PPP4R1: variants seen among roughly 807,000 people sequenced by gnomAD.
The protein encoded by PPP4R1 is serine/threonine-protein phosphatase 4 regulatory subunit 1.
Under a neutral mutation model 111.2 loss-of-function variants are expected in PPP4R1, and 42 were observed. That is an observed-to-expected ratio of 0.38 (90% CI 0.29 to 0.49). The LOEUF (loss-of-function observed/expected upper bound fraction) is 0.49, where lower values mean the gene tolerates loss of function less well. Ranked by LOEUF, PPP4R1 falls within the 20% of genes least tolerant of loss-of-function variation. The pLI is 0.97. For missense variants in PPP4R1, 1,012 were observed against 1,161.6 expected (o/e 0.87, Z 1.87); for synonymous variants, 409 against 405.5 (o/e 1.01, Z -0.10).
At chr18:9,583,338 G>C (rs1245345340) in intron 8 of PPP4R1, 63 bp from the exon 9 acceptor site, 3 of 1,354,386 alleles carry the variant, frequency 2.2e-6, no homozygotes, top group Non-Finnish European at 3.0e-6. Context: ...CAGTTACTTC[G>C]CTTTCATTTT....
chr18:9,587,539 A>C (rs1386446556), intron 6 of PPP4R1: 1 of 151,994 alleles, frequency 6.6e-6, no homozygotes, highest in African/African-American at 2.4e-5. Flanking sequence ...AGTAGCTGGG[A>C]TTACAAGCAT....
Position 9,570,277 on chromosome 18 carries a change from G to T in PPP4R1, c.1453C>A (p.Pro485Thr), listed in dbSNP as rs371974571. 3.4e-5 allele frequency: 54 copies of T among 1,611,668 alleles called. No homozygotes were observed. The highest frequency in any genetic ancestry group is 4.2e-5 in the Non-Finnish European group (50 of 1,179,108). The change falls in exon 11 of 20, where the codon CCA (proline) becomes ACA (threonine). Residue 485 changes from proline (P) to threonine (T), a missense_variant. This residue lies in a region of PPP4R1 where 707 missense variants were observed against 742.1 expected (regional missense o/e 0.95). Coordinates refer to ENST00000400556, the MANE Select transcript of PPP4R1 (RefSeq NM_001042388.3). ...ACAGGGCCCTCAGATTCTTCCTCTG[G>T]TCCCTCTGGGCTGGGTTTTCCCCCA... ...NSGGKPSPEG[P>T]EEESEGPVPS...
chr18:9,555,902 C>A (rs1020500095), intron 15 of PPP4R1, among the ~76,000 whole-genome samples: 2 of 151,644 alleles, frequency 1.3e-5, no homozygotes, highest in Admixed American at 6.6e-5. Context: ...TTTGGGAGGC[C>A]AAGGTGGGCG....
intron 16 of PPP4R1, chr18:9,551,710 T>C (rs887182859): frequency 2.6e-5 from 4 of 152,230 alleles, no homozygotes; most frequent in African/African-American, 7.2e-5. Context: ...ATACTGCAAC[T>C]GTGGGAGAGG....
At chr18:9,570,034 G>A (rs1347663851) in intron 11 of PPP4R1, 123 bp downstream of exon 11, 10 of 1,044,152 alleles carry the variant, frequency 9.6e-6, no homozygotes, top group Non-Finnish European at 1.2e-5. Flanking sequence ...ATAGGTATGA[G>A]TCACTGTGCC....
chr18:9,560,565 T>C (rs1324858270), intron 13 of PPP4R1, among the ~76,000 whole-genome samples: 4 of 152,152 alleles, frequency 2.6e-5, no homozygotes, highest in Non-Finnish European at 4.4e-5. Context: ...ATAAACGAAT[T>C]ATCCATATAC....
At chr18:9,552,481 G>C (rs2066504790) in intron 16 of PPP4R1, among the ~76,000 whole-genome samples, 3 of 152,142 alleles carry the variant, frequency 2.0e-5, no homozygotes, top group African/African-American at 7.2e-5. Context: ...TTATTATTTG[G>C]CCAATTTAGA....
chr18:9,547,817 G>A lies in PPP4R1; in HGVS notation c.2825C>T (p.Ala942Val). Residue 942 changes from alanine (A) to valine (V), a missense_variant, in exon 20 of 20, where the codon GCC becomes GTC. Around this residue, in one of 2 missense-constraint regions of PPP4R1, gnomAD observed 305 missense variants for 419.5 expected, o/e 0.73. Coordinates refer to ENST00000400556, the MANE Select transcript of PPP4R1 (RefSeq NM_001042388.3). ...GTAGGTTGAGGACGCTGTGCTCATG[G>A]CATCTTCGGAGATTTTGGTACTGGC... is the stretch of plus-strand genomic sequence containing the variant. The part of the protein sequence containing the change: ...HPASTKISED[A>V]MSTASSTY 2 of 1,613,282 alleles carry A rather than the reference G, an allele frequency of 1.2e-6. No individual in the cohort carries two copies. Among genetic ancestry groups the A allele is most frequent in the Non-Finnish European group, 1.7e-6 (2 of 1,179,984 alleles).
intron 13 of PPP4R1, 141 bp from the exon 14 acceptor site, chr18:9,559,745 T>C (rs992601600): frequency 3.1e-5 from 18 of 574,924 alleles, no homozygotes; most frequent in African/African-American, 2.1e-4. Context: ...CAATGTCAAA[T>C]GTTCAGGTAT....
intron 2 of PPP4R1, 124 bp from the exon 3 acceptor site, chr18:9,595,277 G>T: frequency 2.0e-6 from 2 of 1,013,380 alleles, no homozygotes; most frequent in East Asian, 2.6e-5. Flanking sequence ...GAGACTCTCA[G>T]AATCAATCCA....
chr18:9,614,532 A>C lies in PPP4R1; in HGVS notation c.-48T>G. 8.0e-6 allele frequency: 8 copies of C among 1,003,178 alleles called. No homozygotes were observed. Among genetic ancestry groups the C allele is most frequent in the East Asian group, 9.5e-5 (1 of 10,562 alleles). 62.1% of individuals were successfully genotyped at this position (1,003,178 alleles called of 1,614,324 possible). On this transcript the variant is annotated 5_prime_UTR_variant, in exon 1 of 20. An upstream start codon of the reference 5' UTR is lost. Transcript: ENST00000400556. The surrounding 1 kb of genome is among the most constrained non-coding windows in gnomAD (Gnocchi z 4.1). ...CGGCCGCCCGGGGAGCCGGGGCTAC[A>C]TGGAGCGGCGCGAGCCGGGGAGCCG...
At chr18:9,563,834 C>T (rs1473738338) in intron 11 of PPP4R1, 1 of 233,900 alleles carries the variant, frequency 4.3e-6, no homozygotes, top group Non-Finnish European at 8.2e-6. Flanking sequence ...GGAGCTGCCT[C>T]CGGCTTATTA....
Position 9,563,375 on chromosome 18 carries a change from T to A in PPP4R1, c.1746+3A>T. 6.2e-7 allele frequency: 1 copy of A among 1,606,256 alleles called. No individual in the cohort carries two copies. Among genetic ancestry groups the A allele is most frequent in the Non-Finnish European group, 8.5e-7 (1 of 1,176,146 alleles). Reference sequence around the variant, plus strand: ...TTGGTAAACACTTTACTGAGTTTGTTACCTCAACAGCATCGCTGATTAAAG... The same window carrying A: ...TTGGTAAACACTTTACTGAGTTTGTAACCTCAACAGCATCGCTGATTAAAG... On this transcript the variant is annotated splice_donor_region_variant and intron_variant, in intron 12 of 19. Transcript: ENST00000400556.
At position 9,614,508 on chromosome 18, in the gene PPP4R1, G is replaced by A. The variant is rs1555678093; in HGVS notation, c.-24C>T. The A allele has an allele frequency of 2.3e-5, 23 of 1,020,254 alleles. No homozygotes were observed. Among genetic ancestry groups the A allele is most frequent in the Non-Finnish European group, 2.7e-5 (23 of 853,752 alleles). The allele number at this position is 1,020,254 out of a possible 1,614,324, so 63.2% of individuals were successfully genotyped here. ...ATCTTGTGGTCGCCCCCTCCTCCGCGGCCGCCCGGGGAGCCGGGGCTACAT... is the reference window on the plus strand; with the variant it reads ...ATCTTGTGGTCGCCCCCTCCTCCGCAGCCGCCCGGGGAGCCGGGGCTACAT... On this transcript the variant is annotated 5_prime_UTR_variant, in exon 1 of 20. Transcript: ENST00000400556. The surrounding 1 kb of genome is among the most constrained non-coding windows in gnomAD (Gnocchi z 4.1).
At chr18:9,560,772 C>T (rs1447044961) in intron 13 of PPP4R1, among the ~76,000 whole-genome samples, 2 of 149,278 alleles carry the variant, frequency 1.3e-5, no homozygotes, top group Non-Finnish European at 3.0e-5. Flanking sequence ...GCAGAAGGAT[C>T]GAATGCTTGA....
At chr18:9,598,767 G>A (rs185360637) in intron 2 of PPP4R1, among the ~76,000 whole-genome samples, 2 of 152,246 alleles carry the variant, frequency 1.3e-5, no homozygotes, top group Admixed American at 1.3e-4. Flanking sequence ...GCTCACGCCT[G>A]TAATCTTATC....
intron 2 of PPP4R1, among the ~76,000 whole-genome samples, chr18:9,603,708 C>T (rs1162669629): frequency 2.6e-5 from 4 of 152,128 alleles, no homozygotes; most frequent in Admixed American, 6.5e-5. Context: ...TGGTCTCAAA[C>T]TCCTAGGCTC....
At chr18:9,555,554 G>A (rs2066559016) in intron 15 of PPP4R1, among the ~76,000 whole-genome samples, 1 of 152,098 alleles carries the variant, frequency 6.6e-6, no homozygotes. Flanking sequence ...CGTCACCAAT[G>A]ATGGGAAGAG....
At chr18:9,557,508 A>C in intron 14 of PPP4R1, 126 bp from the exon 15 acceptor site, 3 of 813,458 alleles carry the variant, frequency 3.7e-6, no homozygotes, top group Non-Finnish European at 5.4e-6. Flanking sequence ...TCAGAATAAC[A>C]GATACTAACT....
Sources: allele counts gnomAD v4.1 joint callset (sites outside exome capture counted in the v4.1 genomes callset), GRCh38; gene constraint gnomAD v4.1.1; regional missense constraint gnomAD v4.1.1; non-coding constraint Gnocchi (gnomAD v3.1); transcripts MANE v1.5; gene names NCBI Gene and HGNC (gene_info 2026-07-23, HGNC 2026-07-21).